The following HDAC9 variants were observed in gnomAD, a reference collection of about 807,000 sequenced individuals.
HDAC9 encodes the protein histone deacetylase 9, also known as MEF-2 interacting transcription repressor (MITR) protein.
Under a neutral mutation model 139.4 loss-of-function variants are expected in HDAC9, and 41 were observed. The ratio of observed to expected loss-of-function variants is 0.29; its 90% confidence interval spans 0.23 to 0.38. HDAC9 has a LOEUF of 0.38. Among genes scored for constraint, HDAC9 ranks in the 10% least tolerant of loss-of-function variants. The pLI is 1.00. For synonymous variants in HDAC9, 517 were observed against 476.2 expected, an observed-to-expected ratio of 1.09 and a Z score of -1.12; for missense variants, 1,147 against 1,297.0, an observed-to-expected ratio of 0.88 and a Z score of 1.78.
chr7:18,824,044 G>GGAGGAAGAAGAAGAA (rs1554367874), intron 17 of HDAC9, among the ~76,000 whole-genome samples: 33 of 67,182 alleles, frequency 4.9e-4, no homozygotes, highest in South Asian at 2.3e-3. Context: ...AAGAGGAAGA[G>GGAGGAAGAAGAAGAA]GAAGAAGAAG....
Position 18,393,137 on chromosome 7 carries a change from T to TAAA in HDAC9, c.-42+102627_-42+102629dup, listed in dbSNP as rs1554402500. Among the ~76,000 whole-genome samples, 301 of 127,574 alleles carry TAAA rather than the reference T, an allele frequency of 2.4e-3. 1 individual carries two copies. The highest frequency in any genetic ancestry group is 7.1e-3 in the African/African-American group (274 of 38,592). 83.7% of individuals were successfully genotyped at this position (127,574 alleles called of 152,430 possible). A position where few individuals can be genotyped will look rare whatever the true frequency, so the allele number is the denominator to read the frequency against. On this transcript the variant is annotated intron_variant, in intron 1 of 3. Coordinates refer to the HDAC9 transcript ENST00000413509. The stretch of plus-strand genomic sequence containing the variant: ...TTAGATAAAATGGATTTTTTTTTTT[T>TAAA]AAAAAAACATAAATTGGCTCAAGAT...
chr7:18,149,535 A>G (rs1013892651), intron 1 of HDAC9, among the ~76,000 whole-genome samples: 1 of 149,236 alleles, frequency 6.7e-6, no homozygotes, highest in African/African-American at 2.4e-5. Context: ...TTTTTTATTT[A>G]TTTATTATTT....
intron 16 of HDAC9, among the ~76,000 whole-genome samples, chr7:18,785,599 G>C (rs1247414273): frequency 1.3e-5 from 2 of 152,108 alleles, no homozygotes; most frequent in African/African-American, 4.8e-5. Context: ...TTTTAACAGG[G>C]TAGGGTTTCA....
intron 2 of HDAC9, among the ~76,000 whole-genome samples, chr7:18,273,055 C>T (rs1311343466): frequency 1.9e-4 from 13 of 68,252 alleles, no homozygotes; most frequent in Admixed American, 4.2e-4. Context: ...TCCCCTTCTT[C>T]GTTTTTTTTT....
chr7:18,394,790 G>A (rs1786870464), intron 1 of HDAC9, among the ~76,000 whole-genome samples: 1 of 152,166 alleles, frequency 6.6e-6, no homozygotes, highest in South Asian at 2.1e-4. Flanking sequence ...GCAAGGTAAA[G>A]TCTTAGCCGA....
intron 1 of HDAC9, among the ~76,000 whole-genome samples, chr7:18,419,099 C>T (rs1425310255): frequency 2.0e-5 from 3 of 152,022 alleles, no homozygotes; most frequent in African/African-American, 4.8e-5. Flanking sequence ...TCAATTATTT[C>T]ATTAATACTT....
At chr7:18,858,987 T>G (rs372449470) in intron 21 of HDAC9, among the ~76,000 whole-genome samples, 1 of 152,266 alleles carries the variant, frequency 6.6e-6, no homozygotes, top group Non-Finnish European at 1.5e-5. Flanking sequence ...AAAAATGCAG[T>G]TAAAAGGCAG....
intron 2 of HDAC9, among the ~76,000 whole-genome samples, chr7:18,531,292 C>T (rs186348257): frequency 6.6e-6 from 1 of 152,148 alleles, no homozygotes; most frequent in African/African-American, 2.4e-5. Flanking sequence ...AGTAAGTGGA[C>T]TAGCAAACTG....
chr7:18,230,617 G>A (rs1793394118), intron 2 of HDAC9, among the ~76,000 whole-genome samples: 1 of 152,146 alleles, frequency 6.6e-6, no homozygotes, highest in South Asian at 2.1e-4. Flanking sequence ...CTCAGTCTGG[G>A]TTTTGGGATG....
At chr7:18,982,348 C>T (rs1218273472) in intron 25 of HDAC9, among the ~76,000 whole-genome samples, 1 of 152,050 alleles carries the variant, frequency 6.6e-6, no homozygotes, top group South Asian at 2.1e-4. Context: ...AATACTTTTC[C>T]ATTTCCATTA....
At chr7:18,990,098 GA>G (rs1416991351) in intron 25 of HDAC9, among the ~76,000 whole-genome samples, 8 of 152,166 alleles carry the variant, frequency 5.3e-5, no homozygotes, top group Non-Finnish European at 1.0e-4. Context: ...TGCTGGTGAG[GA>G]ACTGAGTTCC....
intron 1 of HDAC9, among the ~76,000 whole-genome samples, chr7:18,407,792 C>T (rs1788155174): frequency 1.3e-5 from 2 of 152,154 alleles, no homozygotes; most frequent in Admixed American, 1.3e-4. Context: ...TGCTGCTATT[C>T]CCCGCAGTTA....
At chr7:18,932,530 A>G (rs1023396274) in intron 22 of HDAC9, among the ~76,000 whole-genome samples, 3 of 152,144 alleles carry the variant, frequency 2.0e-5, no homozygotes, top group South Asian at 2.1e-4. Flanking sequence ...AAAATCTCCA[A>G]TCGGTCGGAG....
chr7:18,991,364 G>A (rs1337072251), intron 25 of HDAC9, among the ~76,000 whole-genome samples: 1 of 152,148 alleles, frequency 6.6e-6, no homozygotes, highest in Non-Finnish European at 1.5e-5. Context: ...CATCAGGCTG[G>A]GCACAGTGGC....
intron 1 of HDAC9, among the ~76,000 whole-genome samples, chr7:18,392,268 C>G (rs1325708218): frequency 6.7e-6 from 1 of 150,144 alleles, no homozygotes; most frequent in Non-Finnish European, 1.5e-5. Context: ...ATCTCTGTCT[C>G]TGTCACTCTC....
chr7:18,586,692 C>G (rs902484027), intron 3 of HDAC9, among the ~76,000 whole-genome samples: 3 of 152,030 alleles, frequency 2.0e-5, no homozygotes, highest in African/African-American at 7.2e-5. Flanking sequence ...CCTAAAAAGG[C>G]TCTTTGACAA....
At chr7:18,583,595 A>G (rs1250403703) in intron 2 of HDAC9, among the ~76,000 whole-genome samples, 1 of 150,036 alleles carries the variant, frequency 6.7e-6, no homozygotes, top group Non-Finnish European at 1.5e-5. Context: ...AAAAAAAAAG[A>G]AAGAAAAATT....
At chr7:18,542,018 T>C (rs1006521931) in intron 2 of HDAC9, among the ~76,000 whole-genome samples, 4 of 152,166 alleles carry the variant, frequency 2.6e-5, no homozygotes, top group African/African-American at 7.2e-5. Context: ...ATCCTTCCCA[T>C]TGCAGGATGT....
intron 2 of HDAC9, among the ~76,000 whole-genome samples, chr7:18,184,530 A>C (rs1374967052): frequency 6.6e-6 from 1 of 152,222 alleles, no homozygotes. Context: ...ATTTTAAATA[A>C]TTTTGTGCAC....
Sources: gnomAD v4.1 joint callset for allele counts (sites outside exome capture counted in the v4.1 genomes callset) on GRCh38, gnomAD v4.1.1 for gene constraint, MANE v1.5 for transcripts, NCBI Gene and HGNC (gene_info 2026-07-23, HGNC 2026-07-21) for gene names.